Variants in ANGPT1 observed in about 807,000 individuals in gnomAD.
ANGPT1 encodes angiopoietin-1.
ANGPT1 carries 17 observed loss-of-function variants against 62.2 expected under a neutral mutation model. The ratio of observed to expected loss-of-function variants is 0.27; its 90% confidence interval spans 0.19 to 0.41. ANGPT1 has a LOEUF of 0.41. ANGPT1 is among the 10% of genes least tolerant of loss of function. The pLI is 1.00. For synonymous variants in ANGPT1, 199 were observed against 198.9 expected, an observed-to-expected ratio of 1.00 and a Z score of 0.00; for missense variants, 478 against 594.9, an observed-to-expected ratio of 0.80 and a Z score of 2.04.
intron 8 of ANGPT1, among the ~76,000 whole-genome samples, chr8:107,261,427 C>T (rs920750861): frequency 8.5e-5 from 13 of 152,146 alleles, no homozygotes; most frequent in Admixed American, 2.6e-4. Context: ...AACATGAAGC[C>T]GGGCACGGTG....
At chr8:107,491,114 A>T (rs1398506443) in intron 1 of ANGPT1, among the ~76,000 whole-genome samples, 1 of 152,118 alleles carries the variant, frequency 6.6e-6, no homozygotes, top group Non-Finnish European at 1.5e-5. Context: ...TGCTGTAAGC[A>T]TTGTGCTAGA....
chr8:107,475,750 A>C (rs1812505167), intron 1 of ANGPT1, among the ~76,000 whole-genome samples: 1 of 152,196 alleles, frequency 6.6e-6, no homozygotes, highest in Non-Finnish European at 1.5e-5. Context: ...AAAAAAGCAA[A>C]CAATCCCATC....
chr8:107,423,687 C>T (rs1316504735), intron 1 of ANGPT1, among the ~76,000 whole-genome samples: 1 of 152,126 alleles, frequency 6.6e-6, no homozygotes, highest in African/African-American at 2.4e-5. Context: ...TGTAACATTA[C>T]CTAGCACACA....
intron 1 of ANGPT1, among the ~76,000 whole-genome samples, chr8:107,352,766 T>C (rs1815960213): frequency 1.3e-5 from 2 of 152,182 alleles, no homozygotes; most frequent in Admixed American, 6.5e-5. Flanking sequence ...TGGACCTTCA[T>C]TGGATGTTGG....
rs16876014 is a variant in ANGPT1, at chr8:107,303,234, T to C, written c.936+6A>G. 0.015 allele frequency: 24,784 copies of C among 1,608,488 alleles called. 989 individuals are homozygous for C. Among genetic ancestry groups the C allele is most frequent in the African/African-American group, 0.14 (10,239 of 74,470 alleles). On this transcript the variant is annotated splice_donor_region_variant and intron_variant, in intron 5 of 8. Coordinates refer to ENST00000517746, the MANE Select transcript of ANGPT1 (RefSeq NM_001146.5). ...ACATCTTGTAAACAAACACTTCTGG[T>C]TTTACCTTTTTGGGTTCTGGCATAT...
chr8:107,376,570 G>T (rs1035239059), intron 1 of ANGPT1, among the ~76,000 whole-genome samples: 3 of 152,136 alleles, frequency 2.0e-5, no homozygotes, highest in Non-Finnish European at 2.9e-5. Context: ...TGTTTGTTTG[G>T]TTGGTTGGTT....
chr8:107,394,115 G>A (rs771742885), intron 1 of ANGPT1, among the ~76,000 whole-genome samples: 3 of 152,064 alleles, frequency 2.0e-5, no homozygotes, highest in Non-Finnish European at 4.4e-5. Context: ...GAAAGATACC[G>A]GTATTTTCCT....
At chr8:107,374,985 C>T (rs930262435) in intron 1 of ANGPT1, among the ~76,000 whole-genome samples, 4 of 152,130 alleles carry the variant, frequency 2.6e-5, no homozygotes, top group African/African-American at 9.7e-5. Context: ...CATGGTGAAA[C>T]CCTGTCTCTA....
chr8:107,444,321 G>A (rs1811557570), intron 1 of ANGPT1, among the ~76,000 whole-genome samples: 1 of 152,154 alleles, frequency 6.6e-6, no homozygotes, highest in Non-Finnish European at 1.5e-5. Flanking sequence ...CTCTCCCACA[G>A]AGGCCATACA....
rs1215391770 is a variant in ANGPT1 at position 107,279,778 on chromosome 8, G to T, written c.1205+4904C>A. ...ACACACACACTCAAAGGAAGGGGGG[G>T]GGAGAGAGAGAGCACAAGTTAAAGA... is the stretch of plus-strand genomic sequence containing the variant. On this transcript the variant is annotated intron_variant, in intron 7 of 8. Transcript: ENST00000517746. 2.6e-5 allele frequency among the ~76,000 whole-genome samples: 4 copies of T among 151,906 alleles called. No individual in the cohort carries two copies. The East Asian group carries it at 7.7e-4, about 29-fold the overall frequency.
chr8:107,440,685 C>T (rs1811452646), intron 1 of ANGPT1, among the ~76,000 whole-genome samples: 1 of 152,210 alleles, frequency 6.6e-6, no homozygotes, highest in Non-Finnish European at 1.5e-5. Context: ...AGGTCTTCTA[C>T]AAGCATTAAC....
intron 8 of ANGPT1, among the ~76,000 whole-genome samples, chr8:107,257,926 TTCTCTC>T (rs142506893): frequency 7.9e-4 from 97 of 122,014 alleles, no homozygotes; most frequent in African/African-American, 2.8e-3. Flanking sequence ...TGTTCTTTCT[TTCTCTC>T]TCTCTCTCTC....
At chr8:107,479,000 A>T (rs1181708445) in intron 1 of ANGPT1, among the ~76,000 whole-genome samples, 2 of 152,152 alleles carry the variant, frequency 1.3e-5, no homozygotes, top group Non-Finnish European at 2.9e-5. Context: ...TAACAGTTGC[A>T]GTCATGGGGT....
intron 1 of ANGPT1, among the ~76,000 whole-genome samples, chr8:107,462,057 C>G (rs1812084840): frequency 6.6e-6 from 1 of 152,030 alleles, no homozygotes; most frequent in Non-Finnish European, 1.5e-5. Context: ...TTCTGGAAGA[C>G]AGAAGGTCAG....
intron 1 of ANGPT1, among the ~76,000 whole-genome samples, chr8:107,486,364 C>T (rs978003396): frequency 7.2e-5 from 11 of 152,162 alleles, no homozygotes; most frequent in African/African-American, 2.7e-4. Flanking sequence ...CTTCCACTCT[C>T]TGTACCTGCC....
intron 1 of ANGPT1, among the ~76,000 whole-genome samples, chr8:107,396,126 A>C (rs1001494403): frequency 2.0e-5 from 3 of 152,200 alleles, no homozygotes; most frequent in Non-Finnish European, 4.4e-5. Context: ...CTAATATATA[A>C]TGATAACTTG....
intron 1 of ANGPT1, among the ~76,000 whole-genome samples, chr8:107,450,735 T>A (rs73699708): frequency 6.6e-6 from 1 of 150,924 alleles, no homozygotes; most frequent in Admixed American, 6.6e-5. Context: ...TGTGTGCATG[T>A]GTGCATGTGA....
intron 1 of ANGPT1, among the ~76,000 whole-genome samples, chr8:107,485,633 AG>A (rs982522867): frequency 9.2e-5 from 14 of 152,228 alleles, no homozygotes; most frequent in African/African-American, 3.4e-4. Flanking sequence ...TAAAATAGGA[AG>A]TGAGATAAGA....
intron 1 of ANGPT1, among the ~76,000 whole-genome samples, chr8:107,464,312 C>T (rs866207661): frequency 1.3e-5 from 2 of 152,112 alleles, no homozygotes; most frequent in African/African-American, 4.8e-5. Context: ...TGCCTCTATG[C>T]ATCATGGTTT....
Sources: gnomAD v4.1 joint callset for allele counts (sites outside exome capture counted in the v4.1 genomes callset) on GRCh38, gnomAD v4.1.1 for gene constraint, MANE v1.5 for transcripts, NCBI Gene and HGNC (gene_info 2026-07-23, HGNC 2026-07-21) for gene names.